Variants in ACYP2 observed in about 807,000 individuals in gnomAD.
ACYP2 encodes acylphosphatase-2.
ACYP2 carries 12 observed loss-of-function variants against 11.2 expected under a neutral mutation model. The ratio of observed to expected loss-of-function variants is 1.08; its 90% CI spans 0.69 to 1.74. The LOEUF is 1.74. ACYP2 is among the 40% of genes most tolerant of loss of function. The probability of loss-of-function intolerance (pLI) is 0.00; values close to 1 mark genes in which losing one functional copy is unlikely to be tolerated. For missense variants in ACYP2, 134 were observed against 101.9 expected (o/e 1.31, Z -1.35); for synonymous variants, 43 against 32.2 (o/e 1.33, Z -1.13).
At chr2:54,219,905 A>ATATTTTTTT (rs1288814375) in intron 6 of ACYP2, among the ~76,000 whole-genome samples, 16 of 75,992 alleles carry the variant, frequency 2.1e-4, no homozygotes, top group African/African-American at 3.4e-4. Context: ...ATATATATAT[A>ATATTTTTTT]TTTTTTTTTT....
intron 2 of ACYP2, among the ~76,000 whole-genome samples, chr2:53,994,056 C>T (rs1056890694): frequency 2.0e-5 from 3 of 151,958 alleles, no homozygotes; most frequent in Non-Finnish European, 2.9e-5. Flanking sequence ...GGCGGCTGGG[C>T]GTAGTGGCTC....
At chr2:54,167,367 T>C (rs1215155) in intron 6 of ACYP2, among the ~76,000 whole-genome samples, 5 of 152,200 alleles carry the variant, frequency 3.3e-5, no homozygotes, top group Admixed American at 3.3e-4. Context: ...TCTCCTCTGA[T>C]ACATTTATAA....
intron 2 of ACYP2, among the ~76,000 whole-genome samples, chr2:54,029,338 C>G (rs951615590): frequency 2.0e-5 from 3 of 151,878 alleles, no homozygotes; most frequent in Admixed American, 2.0e-4. Context: ...TGATGTTTAC[C>G]TTGATGACCT....
chr2:54,198,891 C>T (rs550939732), intron 6 of ACYP2, among the ~76,000 whole-genome samples: 1 of 152,154 alleles, frequency 6.6e-6, no homozygotes, highest in African/African-American at 2.4e-5. Flanking sequence ...ACTTCTCGTT[C>T]CGTGCCCATT....
chr2:54,259,222 T>C (rs796846877), intron 6 of ACYP2, among the ~76,000 whole-genome samples: 4 of 152,338 alleles, frequency 2.6e-5, no homozygotes, highest in African/African-American at 9.6e-5. Context: ...TGTCTCTCTT[T>C]TTTAACATAT....
chr2:54,297,158 C>T (rs1299813196), intron 6 of ACYP2, among the ~76,000 whole-genome samples: 6 of 150,584 alleles, frequency 4.0e-5, no homozygotes, highest in African/African-American at 1.5e-4. Flanking sequence ...TAGAAATTTT[C>T]TGAAAGGCAA....
intron 6 of ACYP2, among the ~76,000 whole-genome samples, chr2:54,298,023 C>T (rs1025036354): frequency 2.0e-5 from 3 of 152,004 alleles, no homozygotes; most frequent in Non-Finnish European, 2.9e-5. Flanking sequence ...AATGAGGTGG[C>T]GGTATAGGGA....
chr2:54,083,779 C>A (rs979699906), intron 4 of ACYP2, among the ~76,000 whole-genome samples: 2 of 152,078 alleles, frequency 1.3e-5, no homozygotes, highest in African/African-American at 4.8e-5. Context: ...ATCTTTAAAA[C>A]CCAAACCAAA....
intron 6 of ACYP2, among the ~76,000 whole-genome samples, chr2:54,145,787 C>G (rs1247291417): frequency 6.6e-6 from 1 of 152,148 alleles, no homozygotes; most frequent in East Asian, 1.9e-4. Flanking sequence ...AACAGAAACT[C>G]TATATATCCA....
At chr2:54,038,844 T>C (rs1456912590) in intron 2 of ACYP2, among the ~76,000 whole-genome samples, 1 of 144,894 alleles carries the variant, frequency 6.9e-6, no homozygotes, top group African/African-American at 2.5e-5. Context: ...ATTTGTTCCA[T>C]AGGTGGCAAT....
chr2:54,052,105 G>T lies in ACYP2; in HGVS notation c.155+1055G>T, dbSNP rs183074252. On this transcript the variant is annotated intron_variant, in intron 3 of 6. Transcript: ENST00000607452. ...ATAGAGGGAAGAGGAGGAAGATGAA[G>T]AGGATGAGGAGAAGGAGGAGGATGA... Among the ~76,000 whole-genome samples the T allele has an allele frequency of 1.9e-3, 285 of 151,136 alleles. 2 individuals carry two copies. Among genetic ancestry groups the T allele is most frequent in the African/African-American group, 6.4e-3 (265 of 41,324 alleles).
chr2:54,185,246 T>C (rs997614190), intron 6 of ACYP2, among the ~76,000 whole-genome samples: 1 of 152,102 alleles, frequency 6.6e-6, no homozygotes, highest in Non-Finnish European at 1.5e-5. Context: ...ACACAAAAAA[T>C]GGTTTGCTGG....
intron 2 of ACYP2, among the ~76,000 whole-genome samples, chr2:54,017,873 A>T (rs775066192): frequency 9.6e-4 from 145 of 151,160 alleles, no homozygotes; most frequent in Non-Finnish European, 1.7e-3. Flanking sequence ...GTATTTAAAA[A>T]TTTTTTTTTC....
chr2:54,081,645 A>C (rs1309154139), intron 4 of ACYP2, among the ~76,000 whole-genome samples: 1 of 152,216 alleles, frequency 6.6e-6, no homozygotes, highest in Admixed American at 6.5e-5. Context: ...TTCCAACGTT[A>C]AGGCTATTCA....
intron 4 of ACYP2, among the ~76,000 whole-genome samples, chr2:54,106,185 T>C (rs995961266): frequency 2.6e-5 from 4 of 152,352 alleles, no homozygotes; most frequent in African/African-American, 7.2e-5. Flanking sequence ...TTATTGACAC[T>C]GTACTGCATT....
At chr2:54,115,013 G>T (rs1679669633) in intron 4 of ACYP2, among the ~76,000 whole-genome samples, 1 of 152,120 alleles carries the variant, frequency 6.6e-6, no homozygotes. Context: ...GGATGGAGTG[G>T]GGTGGGGGAC....
chr2:54,280,060 A>T (rs1688776804), intron 6 of ACYP2, among the ~76,000 whole-genome samples: 1 of 152,198 alleles, frequency 6.6e-6, no homozygotes, highest in African/African-American at 2.4e-5. Flanking sequence ...GAGACCCAAC[A>T]ATAGGAGATA....
At chr2:54,261,502 A>G (rs1246374693) in intron 6 of ACYP2, among the ~76,000 whole-genome samples, 1 of 152,204 alleles carries the variant, frequency 6.6e-6, no homozygotes, top group Non-Finnish European at 1.5e-5. Context: ...ACAGAATTGT[A>G]AAGTGTTTAA....
chr2:54,237,667 T>C (rs1686548265), intron 6 of ACYP2, among the ~76,000 whole-genome samples: 1 of 152,226 alleles, frequency 6.6e-6, no homozygotes, highest in South Asian at 2.1e-4. Context: ...GTCTTTTCTC[T>C]CAGGTTTCTT....
Sources: allele counts gnomAD v4.1 joint callset (sites outside exome capture counted in the v4.1 genomes callset), GRCh38; gene constraint gnomAD v4.1.1; transcripts MANE v1.5; gene names NCBI Gene and HGNC (gene_info 2026-07-23, HGNC 2026-07-21).